Variants in ZCCHC7 observed in about 807,000 individuals in gnomAD.
The protein encoded by ZCCHC7 is zinc finger CCHC domain-containing protein 7.
A neutral mutation model predicts 52.0 loss-of-function variants in ZCCHC7; 35 were observed. That is an observed-to-expected ratio of 0.67 (90% CI 0.51 to 0.89). The LOEUF (loss-of-function observed/expected upper bound fraction) is 0.89, where lower values mean the gene tolerates loss of function less well. ZCCHC7 is among the 40% of genes least tolerant of loss of function. The probability of loss-of-function intolerance (pLI) is 0.00; values close to 1 mark genes in which losing one functional copy is unlikely to be tolerated. For missense variants in ZCCHC7, 574 were observed against 649.1 expected, an observed-to-expected ratio of 0.88 and a Z score of 1.26; for synonymous variants, 217 against 221.5, an observed-to-expected ratio of 0.98 and a Z score of 0.18.
chr9:37,321,611 A>G (rs1830057422), intron 5 of ZCCHC7, among the ~76,000 whole-genome samples: 1 of 152,070 alleles, frequency 6.6e-6, no homozygotes, highest in African/African-American at 2.4e-5. Flanking sequence ...AAAAAAATGA[A>G]AAATTAGCCA....
At chr9:37,250,290 CTT>C (rs1417813672) in intron 2 of ZCCHC7, among the ~76,000 whole-genome samples, 1 of 149,454 alleles carries the variant, frequency 6.7e-6, no homozygotes, top group Non-Finnish European at 1.5e-5. Flanking sequence ...CAATCTCTCT[CTT>C]TCTCTCTCTT....
At chr9:37,189,199 A>G (rs1451449825) in intron 2 of ZCCHC7, among the ~76,000 whole-genome samples, 1 of 151,524 alleles carries the variant, frequency 6.6e-6, no homozygotes, top group Admixed American at 6.6e-5. Flanking sequence ...TTTTTATAAT[A>G]GTGGCTTTAA....
chr9:37,258,581 A>T (rs1826704034), intron 2 of ZCCHC7, among the ~76,000 whole-genome samples: 1 of 151,764 alleles, frequency 6.6e-6, no homozygotes. Flanking sequence ...ACATGGTGGG[A>T]CCCAGCTCTA....
chr9:37,175,221 C>T (rs1025308049), intron 2 of ZCCHC7, among the ~76,000 whole-genome samples: 3 of 151,942 alleles, frequency 2.0e-5, no homozygotes, highest in African/African-American at 7.3e-5. Flanking sequence ...TATATAAATA[C>T]CTTAATTATT....
chr9:37,127,064 T>C (rs1842572444), intron 2 of ZCCHC7, 122 bp downstream of exon 2: 8 of 1,289,752 alleles, frequency 6.2e-6, no homozygotes, highest in Non-Finnish European at 8.5e-6. Flanking sequence ...TCTTGTTTTT[T>C]GGTTTGTTTC....
intron 2 of ZCCHC7, among the ~76,000 whole-genome samples, chr9:37,169,471 G>A (rs907339751): frequency 3.0e-4 from 46 of 152,096 alleles, no homozygotes; most frequent in Admixed American, 6.6e-5. Context: ...CAAACTAGAC[G>A]TGCGCCAGCT....
rs370135658 is a variant in ZCCHC7, at chr9:37,345,965, TTTTGG to T, written c.988-3366_988-3362del. 7.0e-4 allele frequency among the ~76,000 whole-genome samples: 106 copies of T among 152,136 alleles called. 1 individual carries two copies. Among genetic ancestry groups the T allele is most frequent in the African/African-American group, 1.8e-3 (76 of 41,522 alleles). ...AAGTTGTTTGAAGTAGTTTTTTTTG[TTTTGG>T]TTTGGTTTGGTTTGGTTTGGTTTGG... On this transcript the variant is annotated intron_variant, in intron 6 of 8. Coordinates refer to ENST00000336755, the MANE Select transcript of ZCCHC7 (RefSeq NM_032226.3).
At chr9:37,198,172 T>C (rs2133140748) in intron 2 of ZCCHC7, among the ~76,000 whole-genome samples, 1 of 152,316 alleles carries the variant, frequency 6.6e-6, no homozygotes, top group African/African-American at 2.4e-5. Context: ...CATATCTTTT[T>C]TCATTTTATT....
chr9:37,153,523 A>C (rs1197834665), intron 2 of ZCCHC7, among the ~76,000 whole-genome samples: 1 of 151,976 alleles, frequency 6.6e-6, no homozygotes, highest in South Asian at 2.1e-4. Flanking sequence ...TCTGTTTCCC[A>C]GGCTGGTCTC....
chr9:37,147,588 T>G (rs1018398747), intron 2 of ZCCHC7: 23 of 151,912 alleles, frequency 1.5e-4, no homozygotes, highest in Non-Finnish European at 2.8e-4. Flanking sequence ...CTAGTTAAAT[T>G]TTATATTCAG....
rs576986754 is a variant in ZCCHC7, at chr9:37,286,747, T to C, written c.611-15441T>C. On this transcript the variant is annotated intron_variant, in intron 2 of 8. Coordinates refer to ENST00000336755, the MANE Select transcript of ZCCHC7 (RefSeq NM_032226.3). ...TTTATATGTATTAGCTGTTTTTATG[T>C]CCTATATTCTTTTTTTATTAATTTA... is the stretch of plus-strand genomic sequence containing the variant. Among the ~76,000 whole-genome samples, 244 of 151,916 alleles carry C rather than the reference T, an allele frequency of 1.6e-3. 1 individual carries two copies. The highest frequency in any genetic ancestry group is 5.6e-3 in the African/African-American group (234 of 41,442).
chr9:37,121,170 G>A (rs1298749350), intron 1 of ZCCHC7, among the ~76,000 whole-genome samples: 2 of 152,202 alleles, frequency 1.3e-5, no homozygotes, highest in African/African-American at 4.8e-5. Context: ...TCCTGTGAGC[G>A]GACAGTTGCC....
intron 2 of ZCCHC7, among the ~76,000 whole-genome samples, chr9:37,267,394 G>A (rs1827157115): frequency 6.6e-6 from 1 of 151,628 alleles, no homozygotes. Context: ...CTCCCATTTG[G>A]TGGTGGGGGG....
intron 2 of ZCCHC7, among the ~76,000 whole-genome samples, chr9:37,278,034 G>GTGTGTTTTGATTTGTTT (rs74182939): frequency 7.0e-6 from 1 of 142,860 alleles, no homozygotes; most frequent in African/African-American, 2.6e-5. Context: ...GTGTGTGTGT[G>GTGTGTTTTGATTTGTTT]TGTTTTGTTT....
At chr9:37,200,831 C>T (rs1302384667) in intron 2 of ZCCHC7, among the ~76,000 whole-genome samples, 1 of 152,216 alleles carries the variant, frequency 6.6e-6, no homozygotes, top group African/African-American at 2.4e-5. Context: ...CTTCCCTTCC[C>T]CTGTGACTCA....
chr9:37,313,882 G>A (rs1374907672), intron 5 of ZCCHC7, among the ~76,000 whole-genome samples: 1 of 152,170 alleles, frequency 6.6e-6, no homozygotes, highest in Non-Finnish European at 1.5e-5. Flanking sequence ...AATTACCCCA[G>A]TGTCAGGTAA....
At chr9:37,273,858 T>A (rs1827552996) in intron 2 of ZCCHC7, among the ~76,000 whole-genome samples, 1 of 152,250 alleles carries the variant, frequency 6.6e-6, no homozygotes, top group Non-Finnish European at 1.5e-5. Flanking sequence ...GGGAATTTTT[T>A]TTATATGTTC....
chr9:37,345,132 A>G (rs143212078), intron 6 of ZCCHC7, among the ~76,000 whole-genome samples: 146 of 152,270 alleles, frequency 9.6e-4, no homozygotes, highest in African/African-American at 3.4e-3. Context: ...ACAACTTCCT[A>G]TTTGCTAAGT....
chr9:37,300,845 A>T (rs997484167), intron 2 of ZCCHC7, among the ~76,000 whole-genome samples: 11 of 152,228 alleles, frequency 7.2e-5, no homozygotes, highest in African/African-American at 2.7e-4. Flanking sequence ...GGACCAAAGG[A>T]ATAGCAGCCA....
Sources: gnomAD v4.1 joint callset for allele counts (sites outside exome capture counted in the v4.1 genomes callset) on GRCh38, gnomAD v4.1.1 for gene constraint, MANE v1.5 for transcripts, NCBI Gene and HGNC (gene_info 2026-07-23, HGNC 2026-07-21) for gene names.